The following MYO1E variants were observed in gnomAD, a reference collection of about 807,000 sequenced individuals.
MYO1E encodes the protein unconventional myosin-Ie.
Under a neutral mutation model 151.1 loss-of-function variants are expected in MYO1E, and 68 were observed. That is an observed-to-expected ratio of 0.45 (90% CI 0.37 to 0.55). MYO1E has a LOEUF of 0.55. Ranked by LOEUF, MYO1E falls within the 20% of genes least tolerant of loss-of-function variation. The pLI, the probability that MYO1E is intolerant of heterozygous loss-of-function variation, is 0.00. For synonymous variants in MYO1E, 601 were observed against 501.7 expected (o/e 1.20, Z -2.64); for missense variants, 1,363 against 1,389.3 (o/e 0.98, Z 0.30).
At chr15:59,290,490 C>A (rs992565378) in intron 1 of MYO1E, among the ~76,000 whole-genome samples, 1 of 152,212 alleles carries the variant, frequency 6.6e-6, no homozygotes. Context: ...CCTGCGACAT[C>A]TTTGGGCCTC....
At position 59,368,438 on chromosome 15, in the gene MYO1E, G is replaced by A. The variant is rs78886166; in HGVS notation, c.3+4060C>T. On this transcript the variant is annotated intron_variant, in intron 1 of 27. Coordinates refer to ENST00000288235, the MANE Select transcript of MYO1E (RefSeq NM_004998.4). Reference sequence around the variant, plus strand: ...AGCCTGGCCAACATAGTGGAACCCCGTCTCCACTAAAAAATACAAAATATT... The same window carrying A: ...AGCCTGGCCAACATAGTGGAACCCCATCTCCACTAAAAAATACAAAATATT... Among the ~76,000 whole-genome samples the A allele has an allele frequency of 4.3e-3, 644 of 148,776 alleles. 38 individuals are homozygous for A. Among genetic ancestry groups the A allele is most frequent in the African/African-American group, 0.016 (610 of 38,956 alleles).
At chr15:59,172,408 G>T (rs972426009) in intron 21 of MYO1E, among the ~76,000 whole-genome samples, 1 of 152,180 alleles carries the variant, frequency 6.6e-6, no homozygotes, top group Non-Finnish European at 1.5e-5. Context: ...TCACACAGTG[G>T]ACTGCTGTTA....
intron 1 of MYO1E, among the ~76,000 whole-genome samples, chr15:59,361,872 T>C (rs190971214): frequency 6.6e-6 from 1 of 152,242 alleles, no homozygotes; most frequent in African/African-American, 2.4e-5. Flanking sequence ...AGTCTGGCTG[T>C]ATCGCCCAGG....
intron 1 of MYO1E, among the ~76,000 whole-genome samples, chr15:59,313,838 G>A (rs2080568473): frequency 6.6e-6 from 1 of 152,184 alleles, no homozygotes; most frequent in African/African-American, 2.4e-5. Context: ...AACCAAGGAT[G>A]GTATTTTTGG....
rs779103976 is a variant in MYO1E, at chr15:59,350,880, TTTGG to T, written c.3+21614_3+21617del. Among the ~76,000 whole-genome samples the T allele has an allele frequency of 2.7e-4, 41 of 152,006 alleles. No individual in the cohort carries two copies. Among genetic ancestry groups the T allele is most frequent in the South Asian group, 2.3e-3 (11 of 4,808 alleles). ...CTTTATTTGTTGTTGTTGTTGTTTG[TTTGG>T]TTGGTTGGTTTTTTGTTTTTTGTCT... On this transcript the variant is annotated intron_variant, in intron 1 of 27. Transcript: ENST00000288235. The surrounding 1 kb of genome is among the most constrained non-coding windows in gnomAD (Gnocchi z 5.0).
intron 1 of MYO1E, among the ~76,000 whole-genome samples, chr15:59,353,669 A>T (rs1391739796): frequency 5.9e-5 from 9 of 151,942 alleles, no homozygotes; most frequent in African/African-American, 2.2e-4. Context: ...AGGCAGAAGA[A>T]TCACTTGAAC....
chr15:59,287,645 G>C (rs2080394792), intron 1 of MYO1E, among the ~76,000 whole-genome samples: 1 of 152,228 alleles, frequency 6.6e-6, no homozygotes, highest in African/African-American at 2.4e-5. Context: ...ATGGATTCCT[G>C]GTCCAGCCAG....
chr15:59,143,180 T>C (rs537319205), intron 26 of MYO1E, among the ~76,000 whole-genome samples: 5 of 152,306 alleles, frequency 3.3e-5, no homozygotes, highest in African/African-American at 1.2e-4. Flanking sequence ...TCCATAATTG[T>C]CCAGGTTGTG....
chr15:59,345,400 T>C (rs2080788752), intron 1 of MYO1E, among the ~76,000 whole-genome samples: 1 of 152,192 alleles, frequency 6.6e-6, no homozygotes, highest in Non-Finnish European at 1.5e-5. Flanking sequence ...CAAAATCCTG[T>C]GCTCAAGGGA....
intron 1 of MYO1E, among the ~76,000 whole-genome samples, chr15:59,305,025 C>G (rs887045465): frequency 1.3e-5 from 2 of 152,194 alleles, no homozygotes; most frequent in African/African-American, 2.4e-5. Context: ...CATGGCCGAG[C>G]TGTGAGCACC....
chr15:59,360,204 C>G (rs1252869273), intron 1 of MYO1E, among the ~76,000 whole-genome samples: 1 of 152,108 alleles, frequency 6.6e-6, no homozygotes, highest in Non-Finnish European at 1.5e-5. Context: ...ACGTCCTGTA[C>G]AAGTCCTGGG....
chr15:59,203,989 G>T (rs1443151443), intron 15 of MYO1E, among the ~76,000 whole-genome samples: 2 of 152,190 alleles, frequency 1.3e-5, no homozygotes, highest in Non-Finnish European at 2.9e-5. Context: ...TTGACATCAA[G>T]TGTGTTTACA....
At chr15:59,258,219 T>C (rs2080205039) in intron 3 of MYO1E, among the ~76,000 whole-genome samples, 2 of 152,164 alleles carry the variant, frequency 1.3e-5, no homozygotes, top group African/African-American at 4.8e-5. Context: ...TGTTGGCAGA[T>C]GCCTGTAATC....
rs897912958 is a variant in MYO1E at position 59,238,648 on chromosome 15, T to C, written c.333-1976A>G. On this transcript the variant is annotated intron_variant, in intron 4 of 27. Transcript: ENST00000288235. ...GTGCAGTGGCACAATCTTGGCTCAC[T>C]GCAATCTCTACCTCCTAGGTTCAAA... Among the ~76,000 whole-genome samples, 15 of 152,248 alleles carry C rather than the reference T, an allele frequency of 9.9e-5. No homozygotes were observed. In the East Asian group the frequency reaches 2.9e-3, roughly 30 times the overall value.
At chr15:59,168,569 T>C (rs17269517) in intron 22 of MYO1E, among the ~76,000 whole-genome samples, 15,305 of 152,094 alleles carry the variant, frequency 0.1, 808 homozygotes, top group Middle Eastern at 0.16. Flanking sequence ...TAGTATAGAA[T>C]GAACCACCAC....
Position 59,159,429 on chromosome 15 carries a change from G to C in MYO1E, c.2786-1050C>G, listed in dbSNP as rs1472240263. On this transcript the variant is annotated intron_variant, in intron 24 of 27. Coordinates refer to ENST00000288235, the MANE Select transcript of MYO1E (RefSeq NM_004998.4). The surrounding 1 kb of genome is among the most constrained non-coding windows in gnomAD (Gnocchi z 4.4). ...GACAGCCAGGCCTCTGCCTTCCAGT[G>C]GGGTGAGGCCTATAGGCCAGGCCAA... is the stretch of plus-strand genomic sequence containing the variant. Among the ~76,000 whole-genome samples the C allele has an allele frequency of 6.6e-6, 1 of 152,240 alleles. No homozygotes were observed. The highest frequency in any genetic ancestry group is 1.5e-5 in the Non-Finnish European group (1 of 68,050).
At chr15:59,207,120 T>C in intron 14 of MYO1E, 1 of 1,614,192 alleles carries the variant, frequency 6.2e-7, no homozygotes, top group South Asian at 1.1e-5. Context: ...TTATTGAGCG[T>C]TTCACTTCCG....
At chr15:59,189,492 CCTTTCTTTTTCTTTT>C (rs2079720201) in intron 17 of MYO1E, among the ~76,000 whole-genome samples, 3 of 142,754 alleles carry the variant, frequency 2.1e-5, no homozygotes, top group Admixed American at 1.5e-4. Context: ...AACTTTCTTT[CCTTTCTTTTTCTTTT>C]CTTTCTTTCT....
Position 59,188,112 on chromosome 15 carries a change from CAT to C in MYO1E, c.1904+4_1904+5del, listed in dbSNP as rs865960718. ...TTAAAAAAGGCCAGAGTCACTAGTT[CAT>C]TACCTCTGTAGGAATTTTTGGAAGA... On this transcript the variant is annotated splice_donor_5th_base_variant and intron_variant, in intron 18 of 27. Coordinates refer to ENST00000288235, the MANE Select transcript of MYO1E (RefSeq NM_004998.4). 12 of 1,601,736 alleles carry C rather than the reference CAT, an allele frequency of 7.5e-6. No homozygotes were observed. Among genetic ancestry groups the C allele is most frequent in the Non-Finnish European group, 1.0e-5 (12 of 1,169,112 alleles).
Sources: allele counts gnomAD v4.1 joint callset (sites outside exome capture counted in the v4.1 genomes callset), GRCh38; gene constraint gnomAD v4.1.1; non-coding constraint Gnocchi (gnomAD v3.1); transcripts MANE v1.5; gene names NCBI Gene and HGNC (gene_info 2026-07-23, HGNC 2026-07-21).